Variants in MALRD1 observed in about 807,000 individuals in gnomAD.
The protein encoded by MALRD1 is MAM and LDL receptor class A domain containing 1.
Under a neutral mutation model 242.1 loss-of-function variants are expected in MALRD1, and 247 were observed. The observed-to-expected ratio is 1.02, with a 90% confidence interval of 0.92 to 1.13. The LOEUF (loss-of-function observed/expected upper bound fraction) is 1.13, where lower values mean the gene tolerates loss of function less well. MALRD1 is among the 50% of genes most tolerant of loss of function. MALRD1 has a pLI of 0.00. For missense variants in MALRD1, 2,989 were observed against 2,533.1 expected (o/e 1.18, Z -3.86); for synonymous variants, 995 against 866.6 (o/e 1.15, Z -2.60).
intron 21 of MALRD1, among the ~76,000 whole-genome samples, chr10:19,297,988 G>T (rs1481350783): frequency 6.6e-6 from 1 of 151,966 alleles, no homozygotes; most frequent in Admixed American, 6.6e-5. Flanking sequence ...AACGGCTTGG[G>T]AGTTGTCTTC....
chr10:19,651,579 T>C (rs11812625), intron 36 of MALRD1, among the ~76,000 whole-genome samples: 1 of 152,084 alleles, frequency 6.6e-6, no homozygotes, highest in East Asian at 1.9e-4. Flanking sequence ...ACAACACTTA[T>C]TGAGCATTAT....
chr10:19,399,271 AAT>A (rs1306975632), intron 28 of MALRD1, among the ~76,000 whole-genome samples: 2 of 152,064 alleles, frequency 1.3e-5, no homozygotes, highest in African/African-American at 4.8e-5. Flanking sequence ...AAAATATTTG[AAT>A]TTTGATTATT....
At chr10:19,157,191 C>T (rs1020040665) in intron 12 of MALRD1, among the ~76,000 whole-genome samples, 1 of 151,544 alleles carries the variant, frequency 6.6e-6, no homozygotes, top group Non-Finnish European at 1.5e-5. Flanking sequence ...AGCTAAGGTT[C>T]TCAGGATTTT....
intron 31 of MALRD1, 54 bp downstream of exon 31, chr10:19,498,700 T>C: frequency 6.6e-7 from 1 of 1,508,440 alleles, no homozygotes. Flanking sequence ...TAAAGTCTGC[T>C]TTAACAATTT....
chr10:19,365,681 A>C (rs1216774362), intron 26 of MALRD1, among the ~76,000 whole-genome samples: 3 of 91,812 alleles, frequency 3.3e-5, no homozygotes, highest in Non-Finnish European at 7.0e-5. Context: ...AAAAAAAAAA[A>C]AAAAAAACAA....
intron 28 of MALRD1, among the ~76,000 whole-genome samples, chr10:19,426,084 GAGTGTTGACATATGAATATATATC>G (rs1301539012): frequency 6.6e-6 from 1 of 152,050 alleles, no homozygotes; most frequent in African/African-American, 2.4e-5. Flanking sequence ...TCTTATTAAT[GAGTGTTGACATATGAATATATATC>G]AGCAAAATGT....
In MALRD1 at chr10:19,155,096, C is replaced by T; in HGVS notation, c.1580C>T (p.Ala527Val). 8.1e-7 allele frequency: 1 copy of T among 1,231,506 alleles called. No individual in the cohort carries two copies. Among genetic ancestry groups the T allele is most frequent in the Non-Finnish European group, 1.0e-6 (1 of 987,856 alleles). The allele number at this position is 1,231,506 out of a possible 1,614,324, so 76.3% of individuals were successfully genotyped here. A position where few individuals can be genotyped will look rare whatever the true frequency, so the allele number is the denominator to read the frequency against. Residue 527 changes from alanine to valine, a missense_variant, in exon 12 of 40, where the codon GCA (alanine) becomes GTA (valine). Coordinates refer to ENST00000454679, the MANE Select transcript of MALRD1 (RefSeq NM_001142308.3). ...INHGSFIYLE[A>V]QRSPGVAKLG... Reference sequence around the variant, plus strand: ...TCAGGATCGTTTATTTATTTGGAGGCACAGCGCTCCCCCGGGGTGGCCAAG... The same window carrying T: ...TCAGGATCGTTTATTTATTTGGAGGTACAGCGCTCCCCCGGGGTGGCCAAG...
At chr10:19,215,441 T>A (rs919500857) in intron 18 of MALRD1, among the ~76,000 whole-genome samples, 1 of 152,206 alleles carries the variant, frequency 6.6e-6, no homozygotes, top group African/African-American at 2.4e-5. Flanking sequence ...ATATGGATGG[T>A]CTGTCCCTGT....
chr10:19,411,393 G>A (rs183365852), intron 28 of MALRD1, among the ~76,000 whole-genome samples: 3 of 152,196 alleles, frequency 2.0e-5, no homozygotes, highest in Non-Finnish European at 2.9e-5. Flanking sequence ...AGCCTGGCTC[G>A]TAATGGGCAA....
At chr10:19,581,308 C>T (rs905264985) in intron 33 of MALRD1, among the ~76,000 whole-genome samples, 36 of 150,784 alleles carry the variant, frequency 2.4e-4, no homozygotes, top group Admixed American at 5.9e-4. Flanking sequence ...CATGCTGGTG[C>T]GCTGCACCCA....
intron 14 of MALRD1, among the ~76,000 whole-genome samples, chr10:19,189,514 A>AC (rs397809245): frequency 6.6e-6 from 1 of 152,012 alleles, no homozygotes; most frequent in Non-Finnish European, 1.5e-5. Flanking sequence ...TGCAAAAAAA[A>AC]CTATGAACCT....
At chr10:19,239,632 A>G (rs1233465162) in intron 18 of MALRD1, among the ~76,000 whole-genome samples, 4 of 152,114 alleles carry the variant, frequency 2.6e-5, no homozygotes, top group African/African-American at 9.7e-5. Context: ...GTAGTTTTCA[A>G]TCTTACCTTT....
intron 29 of MALRD1, among the ~76,000 whole-genome samples, chr10:19,462,655 A>G (rs981458889): frequency 1.3e-5 from 2 of 152,266 alleles, no homozygotes; most frequent in African/African-American, 4.8e-5. Flanking sequence ...GATATTTTGC[A>G]TTCAATAAAT....
intron 36 of MALRD1, among the ~76,000 whole-genome samples, chr10:19,690,413 A>C (rs1356790585): frequency 1.3e-5 from 2 of 152,032 alleles, no homozygotes; most frequent in Non-Finnish European, 2.9e-5. Context: ...CCTTTGTTTT[A>C]TTTAGAAACA....
intron 8 of MALRD1, among the ~76,000 whole-genome samples, chr10:19,132,921 C>G (rs544314203): frequency 3.5e-4 from 53 of 151,828 alleles, no homozygotes; most frequent in African/African-American, 1.3e-3. Context: ...TTTTGAGTAC[C>G]TTATAGACTT....
At chr10:19,164,769 C>G (rs1282043258) in intron 12 of MALRD1, among the ~76,000 whole-genome samples, 1 of 152,072 alleles carries the variant, frequency 6.6e-6, no homozygotes, top group African/African-American at 2.4e-5. Context: ...CTACTGCTAT[C>G]AGCACCTGGC....
chr10:19,186,448 T>C (rs1348306877), intron 14 of MALRD1, among the ~76,000 whole-genome samples: 1 of 152,226 alleles, frequency 6.6e-6, no homozygotes, highest in East Asian at 1.9e-4. Context: ...TAAAATCTGA[T>C]AAATAACCCA....
intron 18 of MALRD1, among the ~76,000 whole-genome samples, chr10:19,210,835 C>T (rs2583647): frequency 0.74 from 111,779 of 151,874 alleles, 41,376 homozygotes; most frequent in South Asian, 0.84. Context: ...TCTCCCACAG[C>T]GTAAGGTACA....
In MALRD1 at chr10:19,373,735, A is replaced by G. The variant is rs7075178; in HGVS notation, c.4442-13793A>G. On this transcript the variant is annotated intron_variant, in intron 26 of 39. Coordinates refer to ENST00000454679, the MANE Select transcript of MALRD1 (RefSeq NM_001142308.3). ...TTGTCCTTGAATCCATAGGCAAGAC[A>G]TAACAGTGTTTTTCTAAAAATTATG... Among the ~76,000 whole-genome samples, 30 of 152,244 alleles carry G rather than the reference A, an allele frequency of 2.0e-4. No homozygotes were observed. The South Asian group carries it at 2.1e-3, about 10-fold the overall frequency.
Sources: allele counts gnomAD v4.1 joint callset (sites outside exome capture counted in the v4.1 genomes callset), GRCh38; gene constraint gnomAD v4.1.1; transcripts MANE v1.5; gene names NCBI Gene and HGNC (gene_info 2026-07-23, HGNC 2026-07-21).